DNAJC11: variants seen among roughly 807,000 people sequenced by gnomAD.
DNAJC11 encodes dnaJ homolog subfamily C member 11.
A neutral mutation model predicts 78.6 loss-of-function variants in DNAJC11; 15 were observed. The observed-to-expected ratio is 0.19, with a 90% CI of 0.13 to 0.29. The LOEUF is 0.29. DNAJC11 is among the 10% of genes least tolerant of loss of function. The pLI, the probability that DNAJC11 is intolerant of heterozygous loss-of-function variation, is 1.00. For missense variants in DNAJC11, 547 were observed against 709.6 expected, an observed-to-expected ratio of 0.77 and a Z score of 2.60; for synonymous variants, 292 against 272.1, an observed-to-expected ratio of 1.07 and a Z score of -0.72.
At chr1:6,637,526 ACAGT>A (rs763100403) in intron 12 of DNAJC11, 22 bp from the exon 13 acceptor site, 10 of 1,614,084 alleles carry the variant, frequency 6.2e-6, no homozygotes, top group South Asian at 3.3e-5. Context: ...CAAGGATGAC[ACAGT>A]CAGGGCCCTG....
At chr1:6,690,873 T>A (rs1302823796) in intron 1 of DNAJC11, among the ~76,000 whole-genome samples, 1 of 152,172 alleles carries the variant, frequency 6.6e-6, no homozygotes, top group African/African-American at 2.4e-5. Flanking sequence ...TTCTATCACA[T>A]CTTTGTTGAG....
intron 4 of DNAJC11, among the ~76,000 whole-genome samples, chr1:6,665,173 C>A (rs953190489): frequency 6.6e-6 from 1 of 152,116 alleles, no homozygotes; most frequent in Non-Finnish European, 1.5e-5. Flanking sequence ...GCTCGGGCAA[C>A]CCTCCTTCGT....
intron 1 of DNAJC11, among the ~76,000 whole-genome samples, chr1:6,697,523 A>G (rs1020050013): frequency 1.3e-5 from 2 of 152,146 alleles, no homozygotes; most frequent in Non-Finnish European, 2.9e-5. Flanking sequence ...TGCCACCACC[A>G]ATCTGACAGG....
intron 4 of DNAJC11, among the ~76,000 whole-genome samples, chr1:6,663,544 C>A (rs1010689585): frequency 9.2e-5 from 14 of 152,146 alleles, no homozygotes; most frequent in Admixed American, 5.2e-4. Context: ...CCTTAAAATG[C>A]AAGAAATGCG....
chr1:6,697,663 G>C (rs951396193), intron 1 of DNAJC11, among the ~76,000 whole-genome samples: 1 of 152,160 alleles, frequency 6.6e-6, no homozygotes, highest in Non-Finnish European at 1.5e-5. Flanking sequence ...ACCAGTACTG[G>C]TCCATGGCCA....
intron 1 of DNAJC11, among the ~76,000 whole-genome samples, chr1:6,681,550 G>A (rs887385766): frequency 6.6e-6 from 1 of 152,222 alleles, no homozygotes; most frequent in South Asian, 2.1e-4. Flanking sequence ...AGCACATTCA[G>A]TGGCAGAAAT....
intron 1 of DNAJC11, among the ~76,000 whole-genome samples, chr1:6,686,220 A>C (rs1053930996): frequency 4.0e-5 from 6 of 151,574 alleles, no homozygotes; most frequent in African/African-American, 1.5e-4. Flanking sequence ...AATGTAAAGG[A>C]TAACATTAAG....
rs184626530 is a variant in DNAJC11 at position 6,681,228 on chromosome 1, C to T, written c.73-191G>A. 1.3e-4 allele frequency among the ~76,000 whole-genome samples: 20 copies of T among 152,284 alleles called. No homozygotes were observed. In the East Asian group the frequency reaches 2.9e-3, roughly 22 times the overall value. On this transcript the variant is annotated intron_variant, in intron 1 of 15. Coordinates refer to ENST00000377577, the MANE Select transcript of DNAJC11 (RefSeq NM_018198.4). Reference sequence around the variant, plus strand: ...TGCCAGTTAATAAAGTGATCAATTACATACATCAATAGGGACTGGGTTTTG... The same window carrying T: ...TGCCAGTTAATAAAGTGATCAATTATATACATCAATAGGGACTGGGTTTTG...
intron 4 of DNAJC11, among the ~76,000 whole-genome samples, chr1:6,658,152 G>A (rs1255595889): frequency 2.0e-5 from 3 of 152,168 alleles, no homozygotes; most frequent in East Asian, 1.9e-4. Context: ...ACCTTCAGAC[G>A]GGATCTGGGG....
At position 6,646,755 on chromosome 1, in the gene DNAJC11, G is replaced by A. The variant is rs147766135; in HGVS notation, c.705-777C>T. Among the ~76,000 whole-genome samples, 69 of 152,218 alleles carry A rather than the reference G, an allele frequency of 4.5e-4. 3 individuals are homozygous for A. The East Asian group carries it at 0.012, about 26-fold the overall frequency. ...AACAGAAATTCACACTTCATTCAAG[G>A]TGCTGAAGGGTAAACTAACAGCTGG... On this transcript the variant is annotated intron_variant, in intron 7 of 15. Transcript: ENST00000377577.
intron 1 of DNAJC11, among the ~76,000 whole-genome samples, chr1:6,693,715 C>T (rs1223388156): frequency 6.6e-6 from 1 of 151,934 alleles, no homozygotes; most frequent in East Asian, 1.9e-4. Context: ...GACGGAGTCT[C>T]GCTTTTTATA....
intron 15 of DNAJC11, among the ~76,000 whole-genome samples, 180 bp downstream of exon 15, chr1:6,635,937 C>A (rs1438525036): frequency 6.6e-6 from 1 of 152,222 alleles, no homozygotes. Context: ...GGCCCCAGCC[C>A]CCCTTTTAGG....
At chr1:6,649,577 A>G (rs929498848) in intron 7 of DNAJC11, among the ~76,000 whole-genome samples, 3 of 152,126 alleles carry the variant, frequency 2.0e-5, no homozygotes, top group African/African-American at 7.2e-5. Flanking sequence ...CAACAGGCTG[A>G]CCTGCAAGCC....
At position 6,681,122 on chromosome 1, in the gene DNAJC11, A is replaced by G. The variant is rs573924588; in HGVS notation, c.73-85T>C. 4.8e-5 allele frequency: 67 copies of G among 1,410,166 alleles called. 1 individual carries two copies. In the South Asian group the frequency reaches 7.9e-4, roughly 17 times the overall value. The allele number at this position is 1,410,166 out of a possible 1,614,324, so 87.4% of individuals were successfully genotyped here. On this transcript the variant is annotated intron_variant, in intron 1 of 15. Transcript: ENST00000377577. ...AGAATCAGCCTTGAAATGGGAACCC[A>G]TCAGCCACGTCCCAATGTGTTTGCT...
intron 4 of DNAJC11, among the ~76,000 whole-genome samples, chr1:6,665,119 G>C (rs985336365): frequency 2.0e-5 from 3 of 152,204 alleles, no homozygotes; most frequent in Non-Finnish European, 2.9e-5. Context: ...CCCAGCTGGA[G>C]TGCAGTGGTG....
At chr1:6,647,792 T>C (rs1641989071) in intron 7 of DNAJC11, among the ~76,000 whole-genome samples, 1 of 152,060 alleles carries the variant, frequency 6.6e-6, no homozygotes, top group Non-Finnish European at 1.5e-5. Context: ...TCCAGCCTGG[T>C]GACAGAGCAA....
chr1:6,681,797 C>A (rs1035878487), intron 1 of DNAJC11, among the ~76,000 whole-genome samples: 2 of 152,070 alleles, frequency 1.3e-5, no homozygotes, highest in South Asian at 4.1e-4. Flanking sequence ...CCCTCAGAGG[C>A]CTTGGGACAC....
intron 1 of DNAJC11, among the ~76,000 whole-genome samples, chr1:6,691,889 G>A (rs1359812775): frequency 6.6e-6 from 1 of 152,208 alleles, no homozygotes; most frequent in East Asian, 1.9e-4. Context: ...TAAGAAATGT[G>A]TGACTCCTTT....
chr1:6,678,988 G>A (rs1298022804), intron 2 of DNAJC11, among the ~76,000 whole-genome samples: 4 of 152,154 alleles, frequency 2.6e-5, no homozygotes, highest in Admixed American at 2.0e-4. Flanking sequence ...AATGAGAAAA[G>A]TCAGATTTTC....
Sources: allele counts gnomAD v4.1 joint callset (sites outside exome capture counted in the v4.1 genomes callset), GRCh38; gene constraint gnomAD v4.1.1; transcripts MANE v1.5; gene names NCBI Gene and HGNC (gene_info 2026-07-23, HGNC 2026-07-21).